The following FAM193A variants were observed in gnomAD, a reference collection of about 807,000 sequenced individuals.
The protein encoded by FAM193A is family with sequence similarity 193 member A.
FAM193A carries 22 observed loss-of-function variants against 126.5 expected under a neutral mutation model. That is an observed-to-expected ratio of 0.17 (90% CI 0.12 to 0.25). The LOEUF is 0.25. Among genes scored for constraint, FAM193A ranks in the 10% least tolerant of loss-of-function variants. FAM193A has a pLI of 1.00. For synonymous variants in FAM193A, 761 were observed against 646.8 expected (o/e 1.18, Z -2.68); for missense variants, 1,675 against 1,672.8 (o/e 1.00, Z -0.02).
At chr4:2,701,869 C>T (rs956120725) in intron 19 of FAM193A, among the ~76,000 whole-genome samples, 11 of 151,832 alleles carry the variant, frequency 7.2e-5, no homozygotes, top group Non-Finnish European at 1.2e-4. Context: ...CTCCGCTTCC[C>T]GGGTTCAAGC....
At chr4:2,619,230 T>G (rs78626554) in intron 2 of FAM193A, among the ~76,000 whole-genome samples, 4,369 of 152,272 alleles carry the variant, frequency 0.029, 222 homozygotes, top group African/African-American at 0.099. Context: ...CATATGGAGT[T>G]TCTTTATAAT....
chr4:2,660,477 C>T (rs914993936), intron 10 of FAM193A, among the ~76,000 whole-genome samples: 2 of 152,144 alleles, frequency 1.3e-5, no homozygotes, highest in African/African-American at 2.4e-5. Flanking sequence ...TTCATGTTCC[C>T]GCATGATTAG....
intron 13 of FAM193A, among the ~76,000 whole-genome samples, chr4:2,685,408 G>T (rs1232333822): frequency 6.6e-6 from 1 of 152,210 alleles, no homozygotes; most frequent in Non-Finnish European, 1.5e-5. Context: ...GATTGGGCAG[G>T]TAAAGCTATG....
chr4:2,662,406 A>G (rs1712563563), intron 10 of FAM193A, among the ~76,000 whole-genome samples: 1 of 152,216 alleles, frequency 6.6e-6, no homozygotes, highest in Non-Finnish European at 1.5e-5. Context: ...AGCAAACACT[A>G]AACAGCTAAG....
chr4:2,572,033 C>T (rs898649163), intron 1 of FAM193A, among the ~76,000 whole-genome samples: 6 of 151,750 alleles, frequency 4.0e-5, no homozygotes, highest in African/African-American at 1.5e-4. Context: ...GGCATGGTGG[C>T]ATGTGCCTGT....
At chr4:2,682,042 T>G (rs1484008215) in intron 13 of FAM193A, among the ~76,000 whole-genome samples, 2 of 146,516 alleles carry the variant, frequency 1.4e-5, no homozygotes, top group African/African-American at 5.1e-5. Context: ...TGGAGTGCAG[T>G]GATGCGATCT....
intron 20 of FAM193A, among the ~76,000 whole-genome samples, chr4:2,728,748 T>C (rs1412963569): frequency 2.6e-5 from 4 of 152,014 alleles, no homozygotes. Flanking sequence ...ATGATAGGGG[T>C]TTTTTGTTGT....
At chr4:2,697,775 G>A (rs963720078) in intron 18 of FAM193A, among the ~76,000 whole-genome samples, 4 of 152,304 alleles carry the variant, frequency 2.6e-5, no homozygotes, top group East Asian at 1.9e-4. Flanking sequence ...GCCTTGTCCC[G>A]TGCCCCAGAA....
intron 1 of FAM193A, among the ~76,000 whole-genome samples, chr4:2,537,968 C>T (rs1226933444): frequency 6.6e-6 from 1 of 152,118 alleles, no homozygotes; most frequent in Non-Finnish European, 1.5e-5. Context: ...TTTATTCAAC[C>T]GTTGGTCACA....
chr4:2,631,304 C>A, intron 5 of FAM193A, 135 bp downstream of exon 5: 1 of 721,630 alleles, frequency 1.4e-6, no homozygotes, highest in Non-Finnish European at 2.2e-6. Context: ...CTCTTCTCTA[C>A]GGGAGAGGAC....
intron 1 of FAM193A, among the ~76,000 whole-genome samples, chr4:2,594,865 A>G (rs149488996): frequency 8.1e-3 from 471 of 58,284 alleles, no homozygotes; most frequent in Non-Finnish European, 0.011. Flanking sequence ...GTCTTGCTCT[A>G]TTGCCCAGGC....
chr4:2,672,953 G>C (rs1380910568), intron 13 of FAM193A, among the ~76,000 whole-genome samples: 1 of 152,194 alleles, frequency 6.6e-6, no homozygotes, highest in Non-Finnish European at 1.5e-5. Flanking sequence ...AGTGTGAAGA[G>C]CCCATTCAGG....
intron 2 of FAM193A, among the ~76,000 whole-genome samples, chr4:2,605,860 A>G (rs1218382211): frequency 1.4e-4 from 20 of 146,168 alleles, no homozygotes; most frequent in Admixed American, 6.3e-4. Context: ...AATCCCAGCT[A>G]CTGGGGAGGC....
intron 20 of FAM193A, among the ~76,000 whole-genome samples, chr4:2,722,844 TAAGA>T (rs1303658672): frequency 6.6e-6 from 1 of 152,254 alleles, no homozygotes; most frequent in East Asian, 1.9e-4. Context: ...AGTAAGTAAG[TAAGA>T]GACAGGGTTT....
At chr4:2,656,711 A>G (rs1228803451) in intron 7 of FAM193A, among the ~76,000 whole-genome samples, 1 of 152,228 alleles carries the variant, frequency 6.6e-6, no homozygotes, top group Non-Finnish European at 1.5e-5. Flanking sequence ...GGTTGTCAAG[A>G]GAAGCCAGAA....
chr4:2,551,174 G>A (rs931454812), intron 1 of FAM193A, among the ~76,000 whole-genome samples: 5 of 152,134 alleles, frequency 3.3e-5, no homozygotes, highest in Non-Finnish European at 5.9e-5. Flanking sequence ...AGGGATGTTT[G>A]TCACTAGCTT....
At chr4:2,708,547 A>T (rs1421775613) in intron 19 of FAM193A, among the ~76,000 whole-genome samples, 1 of 151,234 alleles carries the variant, frequency 6.6e-6, no homozygotes, top group Non-Finnish European at 1.5e-5. Context: ...ACTGCAGCCT[A>T]CGCCTTCTGG....
chr4:2,540,630 AGAGT>A (rs1188606897), intron 1 of FAM193A, among the ~76,000 whole-genome samples: 3 of 152,172 alleles, frequency 2.0e-5, no homozygotes, highest in Non-Finnish European at 2.9e-5. Flanking sequence ...CCTGGGTGAC[AGAGT>A]GAGACTCCGT....
In FAM193A at chr4:2,728,896, C is replaced by CTTTTTTTTTTTTT. The variant is rs34029424; in HGVS notation, c.4455-2865_4455-2853dup. ...AAGCAAATATGTTCCACCTCCAAAA[C>CTTTTTTTTTTTTT]TTTTTTTTTTTTTTTTTTTTTTTTT... On this transcript the variant is annotated intron_variant, in intron 20 of 20. Coordinates refer to ENST00000637812, the MANE Select transcript of FAM193A (RefSeq NM_001366318.2). Among the ~76,000 whole-genome samples the CTTTTTTTTTTTTT allele has an allele frequency of 5.1e-5, 5 of 97,150 alleles. 2 individuals are homozygous for CTTTTTTTTTTTTT. Among genetic ancestry groups the CTTTTTTTTTTTTT allele is most frequent in the African/African-American group, 2.6e-4 (5 of 19,276 alleles). 63.7% of individuals were successfully genotyped at this position (97,150 alleles called of 152,430 possible).
Sources: gnomAD v4.1 joint callset for allele counts (sites outside exome capture counted in the v4.1 genomes callset) on GRCh38, gnomAD v4.1.1 for gene constraint, MANE v1.5 for transcripts, NCBI Gene and HGNC (gene_info 2026-07-23, HGNC 2026-07-21) for gene names.